BAZ2B: variants seen among roughly 807,000 people sequenced by gnomAD.
The protein encoded by BAZ2B is bromodomain adjacent to zinc finger domain protein 2B.
Under a neutral mutation model 246.0 loss-of-function variants are expected in BAZ2B, and 91 were observed. That is an observed-to-expected ratio of 0.37 (90% CI 0.31 to 0.44). BAZ2B has a LOEUF of 0.44. Among genes scored for constraint, BAZ2B ranks in the 20% least tolerant of loss-of-function variants. BAZ2B has a pLI of 1.00. For missense variants in BAZ2B, 2,332 were observed against 2,533.7 expected (o/e 0.92, Z 1.71); for synonymous variants, 855 against 860.0 (o/e 0.99, Z 0.10).
At chr2:159,593,959 A>T (rs1303708699) in intron 1 of BAZ2B, among the ~76,000 whole-genome samples, 1 of 152,170 alleles carries the variant, frequency 6.6e-6, no homozygotes, top group African/African-American at 2.4e-5. Context: ...TACTTTAACC[A>T]TTTTTAAGTG....
At chr2:159,688,656 C>T in the BAZ2B span, among the ~76,000 whole-genome samples, 3 of 152,122 alleles carry the variant, frequency 2.0e-5, no homozygotes, top group South Asian at 4.1e-4. Context: ...ACCCATGATC[C>T]AATCGAGGGT....
intron 6 of BAZ2B, 130 bp from the exon 7 acceptor site, chr2:159,439,342 A>G (rs1324079729): frequency 1.2e-6 from 1 of 802,730 alleles, no homozygotes; most frequent in South Asian, 1.8e-5. Context: ...AAAAAGTCAC[A>G]TATCGTAAGG....
At chr2:159,529,296 C>T (rs1235750874) in intron 2 of BAZ2B, among the ~76,000 whole-genome samples, 1 of 151,326 alleles carries the variant, frequency 6.6e-6, no homozygotes, top group Non-Finnish European at 1.5e-5. Context: ...TTTGGTTAAG[C>T]TTCAATCTTC....
At chr2:159,661,146 G>A in the BAZ2B span, among the ~76,000 whole-genome samples, 1 of 152,078 alleles carries the variant, frequency 6.6e-6, no homozygotes, top group East Asian at 1.9e-4. Context: ...TGCCACTAGA[G>A]ATTTGTCTAT....
chr2:159,703,862 C>T, the BAZ2B span, among the ~76,000 whole-genome samples: 2 of 152,052 alleles, frequency 1.3e-5, no homozygotes, highest in Non-Finnish European at 2.9e-5. Context: ...AAGACCCTGT[C>T]TCAAAAAAAA....
chr2:159,710,212 CTTTT>C, the BAZ2B span, among the ~76,000 whole-genome samples: 2 of 143,734 alleles, frequency 1.4e-5, no homozygotes, highest in African/African-American at 2.6e-5. Context: ...AGCAAAATGT[CTTTT>C]TTTTTTTTTT....
chr2:159,501,407 G>A (rs2081819749), intron 2 of BAZ2B, among the ~76,000 whole-genome samples: 1 of 147,366 alleles, frequency 6.8e-6, no homozygotes. Flanking sequence ...TTCATATGCT[G>A]TACACATACA....
chr2:159,374,692 T>C lies in BAZ2B; in HGVS notation c.4067A>G (p.Lys1356Arg). The change falls in exon 26 of 37, where the codon AAA (lysine) becomes AGA (arginine). Residue 1356 changes from lysine (K) to arginine (R), a missense_variant and splice_region_variant. This residue lies in a region of BAZ2B where 676 missense variants were observed against 668.6 expected (regional missense o/e 1.01). Transcript: ENST00000392783. ...AATGTTAATCAGAAAAGTGCTTACTTTACTCAGTTTTTCAATCTGTTTTTC... is the reference window on the plus strand; with the variant it reads ...AATGTTAATCAGAAAAGTGCTTACTCTACTCAGTTTTTCAATCTGTTTTTC... ...ELEKQIEKLS[K>R]QQSQYRRKLF... The C allele has an allele frequency of 6.2e-7, 1 of 1,610,902 alleles. No homozygotes were observed. The highest frequency in any genetic ancestry group is 8.5e-7 in the Non-Finnish European group (1 of 1,177,468).
chr2:159,685,808 G>A, the BAZ2B span, among the ~76,000 whole-genome samples: 5 of 152,188 alleles, frequency 3.3e-5, no homozygotes, highest in Admixed American at 2.0e-4. Flanking sequence ...ATAAATAAGA[G>A]TGAAATCTTC....
At position 159,602,595 on chromosome 2, in the gene BAZ2B, C is replaced by G. The variant is rs114984516; in HGVS notation, c.-46+13647G>C. Reference sequence around the variant, plus strand: ...ATGATTGTACAACTACATTTCTCAACTTTGTTCAATAGCATTAAGTTGTAG... The same window carrying G: ...ATGATTGTACAACTACATTTCTCAAGTTTGTTCAATAGCATTAAGTTGTAG... On this transcript the variant is annotated intron_variant, in intron 1 of 36. Coordinates refer to ENST00000392783, the MANE Select transcript of BAZ2B (RefSeq NM_013450.4). Among the ~76,000 whole-genome samples, 1,130 of 152,248 alleles carry G rather than the reference C, an allele frequency of 7.4e-3. 5 individuals are homozygous for G. The highest frequency in any genetic ancestry group is 0.021 in the South Asian group (103 of 4,828).
chr2:159,516,844 CT>C (rs1221166110), intron 2 of BAZ2B, among the ~76,000 whole-genome samples: 1 of 152,112 alleles, frequency 6.6e-6, no homozygotes, highest in Non-Finnish European at 1.5e-5. Context: ...CTCACATAAA[CT>C]CACATGATAG....
chr2:159,453,563 T>C (rs1452818048), intron 4 of BAZ2B, 50 bp downstream of exon 4: 1 of 1,510,728 alleles, frequency 6.6e-7, no homozygotes, highest in Non-Finnish European at 8.9e-7. Context: ...TGCTTGAACA[T>C]TCTCAAGCTT....
chr2:159,637,996 C>G, the BAZ2B span, among the ~76,000 whole-genome samples: 1 of 152,270 alleles, frequency 6.6e-6, no homozygotes, highest in Non-Finnish European at 1.5e-5. Flanking sequence ...GGCTTCAGGT[C>G]TGACCCACTG....
rs376700414 is a variant in BAZ2B, at chr2:159,385,420, T to C, written c.3472-51A>G. The C allele has an allele frequency of 1.9e-5, 28 of 1,464,790 alleles. No homozygotes were observed. In the African/African-American group the frequency reaches 3.7e-4, roughly 19 times the overall value. The allele number at this position is 1,464,790 out of a possible 1,614,324, so 90.7% of individuals were successfully genotyped here. ...GTATTACTCACAACCATTTATACCA[T>C]AAAAACAATAAGATTAAAAATCCTC... On this transcript the variant is annotated intron_variant, in intron 22 of 36. Coordinates refer to ENST00000392783, the MANE Select transcript of BAZ2B (RefSeq NM_013450.4).
chr2:159,479,808 G>A (rs1203093413), intron 2 of BAZ2B, among the ~76,000 whole-genome samples: 2 of 152,128 alleles, frequency 1.3e-5, no homozygotes, highest in African/African-American at 2.4e-5. Flanking sequence ...AAATTGACAT[G>A]CAACATCATT....
chr2:159,574,172 C>CA (rs1684727257), intron 1 of BAZ2B, among the ~76,000 whole-genome samples: 1 of 143,756 alleles, frequency 7.0e-6, no homozygotes, highest in Non-Finnish European at 1.5e-5. Flanking sequence ...CACACACACA[C>CA]AGCACAATTT....
chr2:159,487,460 C>T (rs1470594602), intron 2 of BAZ2B, among the ~76,000 whole-genome samples: 2 of 152,196 alleles, frequency 1.3e-5, no homozygotes, highest in Non-Finnish European at 2.9e-5. Context: ...TCTAATCCTA[C>T]TCACTGTGAT....
the BAZ2B span, among the ~76,000 whole-genome samples, chr2:159,672,328 T>C: frequency 6.6e-6 from 1 of 152,230 alleles, no homozygotes; most frequent in Non-Finnish European, 1.5e-5. Context: ...GTCAATCACA[T>C]AAACACACAA....
At chr2:159,498,580 C>A (rs1294612026) in intron 2 of BAZ2B, among the ~76,000 whole-genome samples, 1 of 151,952 alleles carries the variant, frequency 6.6e-6, no homozygotes, top group African/African-American at 2.4e-5. Context: ...ATTTTATAAC[C>A]TTCATTATAC....
Sources: gnomAD v4.1 joint callset for allele counts (sites outside exome capture counted in the v4.1 genomes callset) on GRCh38, gnomAD v4.1.1 for gene constraint, gnomAD v4.1.1 regional missense constraint, MANE v1.5 for transcripts, NCBI Gene and HGNC (gene_info 2026-07-23, HGNC 2026-07-21) for gene names.